DIS3L2: variants seen among roughly 807,000 people sequenced by gnomAD.
The protein encoded by DIS3L2 is DIS3-like exonuclease 2.
Under a neutral mutation model 97.5 loss-of-function variants are expected in DIS3L2, and 34 were observed. The ratio of observed to expected loss-of-function variants is 0.35; its 90% CI spans 0.27 to 0.46. The LOEUF is 0.46. Ranked by LOEUF, DIS3L2 falls within the 20% of genes least tolerant of loss-of-function variation. The probability of loss-of-function intolerance (pLI) is 1.00; values close to 1 mark genes in which losing one functional copy is unlikely to be tolerated. For synonymous variants in DIS3L2, 435 were observed against 445.2 expected, an observed-to-expected ratio of 0.98 and a Z score of 0.29; for missense variants, 1,038 against 1,146.0, an observed-to-expected ratio of 0.91 and a Z score of 1.36.
intron 9 of DIS3L2, among the ~76,000 whole-genome samples, chr2:232,180,407 G>C (rs1233129214): frequency 2.0e-5 from 1 of 50,610 alleles, no homozygotes; most frequent in African/African-American, 5.9e-5. Flanking sequence ...TGTTGACAAT[G>C]GGGTGTTAAA....
At chr2:232,201,808 A>G (rs1355721925) in intron 9 of DIS3L2, among the ~76,000 whole-genome samples, 1 of 152,208 alleles carries the variant, frequency 6.6e-6, no homozygotes, top group East Asian at 1.9e-4. Context: ...ATAAACACAC[A>G]AAACAACCAG....
intron 1 of DIS3L2, among the ~76,000 whole-genome samples, chr2:231,962,307 G>T (rs935486532): frequency 6.6e-6 from 1 of 151,904 alleles, no homozygotes; most frequent in African/African-American, 2.4e-5. Context: ...AGATATGGGG[G>T]ATACGCATGC....
At chr2:232,099,701 T>C (rs894853785) in intron 6 of DIS3L2, among the ~76,000 whole-genome samples, 3 of 152,196 alleles carry the variant, frequency 2.0e-5, no homozygotes. Flanking sequence ...CATTGTAAAA[T>C]TGTACCTGCT....
At chr2:232,014,049 C>T (rs1184680087) in intron 1 of DIS3L2, among the ~76,000 whole-genome samples, 6 of 152,202 alleles carry the variant, frequency 3.9e-5, no homozygotes, top group Non-Finnish European at 7.3e-5. Flanking sequence ...CAAATATAGA[C>T]TTGACTCCTG....
intron 7 of DIS3L2, among the ~76,000 whole-genome samples, chr2:232,135,824 C>T (rs1559665931): frequency 1.3e-5 from 2 of 152,028 alleles, no homozygotes; most frequent in South Asian, 4.1e-4. Flanking sequence ...AGCCTGCAGA[C>T]TGGCTACGGT....
At chr2:232,118,632 A>G (rs956592345) in intron 6 of DIS3L2, among the ~76,000 whole-genome samples, 2 of 152,244 alleles carry the variant, frequency 1.3e-5, no homozygotes, top group African/African-American at 4.8e-5. Flanking sequence ...GGACCAAGCC[A>G]GTTGCTCTCA....
intron 13 of DIS3L2, among the ~76,000 whole-genome samples, chr2:232,342,236 CATACACATAT>C (rs1559225097): frequency 6.5e-4 from 97 of 148,904 alleles, no homozygotes; most frequent in African/African-American, 2.2e-3. Context: ...CATATATACA[CATACACATAT>C]ATACACATAC....
chr2:232,050,662 A>G (rs957775131), intron 5 of DIS3L2, among the ~76,000 whole-genome samples: 4 of 152,144 alleles, frequency 2.6e-5, no homozygotes, highest in African/African-American at 7.2e-5. Flanking sequence ...GTAGTTTCCT[A>G]GTTTAAACTG....
At chr2:232,249,840 G>C (rs1163478569) in intron 12 of DIS3L2, among the ~76,000 whole-genome samples, 1 of 152,202 alleles carries the variant, frequency 6.6e-6, no homozygotes, top group African/African-American at 2.4e-5. Flanking sequence ...TTGTAGAAAG[G>C]TCAGTGGTGC....
intron 14 of DIS3L2, among the ~76,000 whole-genome samples, chr2:232,318,019 C>T (rs1481347988): frequency 1.3e-5 from 2 of 152,200 alleles, no homozygotes; most frequent in African/African-American, 4.8e-5. Context: ...TCCCCCCTGA[C>T]TTTAGCAATA....
intron 1 of DIS3L2, among the ~76,000 whole-genome samples, chr2:231,980,658 A>G (rs571799651): frequency 6.6e-6 from 1 of 152,196 alleles, no homozygotes; most frequent in South Asian, 2.1e-4. Flanking sequence ...AAATTGTGCC[A>G]TTGCACTCCA....
rs138679010 is a variant in DIS3L2 at position 232,200,424 on chromosome 2, C to T, written c.1125-9902C>T. 3.5e-3 allele frequency among the ~76,000 whole-genome samples: 534 copies of T among 152,164 alleles called. 3 individuals carry two copies. Among genetic ancestry groups the T allele is most frequent in the Non-Finnish European group, 5.3e-3 (362 of 68,004 alleles). On this transcript the variant is annotated intron_variant, in intron 9 of 20. Transcript: ENST00000325385. ...AGGAATTTGGGCTCCTTAGGGAAGTCGGTAATTATAAACCTGGGGCAGGGA... is the reference window on the plus strand; with the variant it reads ...AGGAATTTGGGCTCCTTAGGGAAGTTGGTAATTATAAACCTGGGGCAGGGA...
At chr2:232,035,660 A>G (rs1390826596) in intron 5 of DIS3L2, among the ~76,000 whole-genome samples, 2 of 152,102 alleles carry the variant, frequency 1.3e-5, no homozygotes, top group Non-Finnish European at 2.9e-5. Context: ...TTCCATATTT[A>G]GTGCTTCCTT....
At chr2:232,290,831 A>G (rs528659118) in intron 13 of DIS3L2, among the ~76,000 whole-genome samples, 1 of 152,240 alleles carries the variant, frequency 6.6e-6, no homozygotes, top group South Asian at 2.1e-4. Flanking sequence ...TTCCAACACT[A>G]ATGAATCGGG....
intron 5 of DIS3L2, among the ~76,000 whole-genome samples, chr2:232,052,810 G>C (rs1559577048): frequency 6.6e-6 from 1 of 152,002 alleles, no homozygotes; most frequent in Admixed American, 6.5e-5. Context: ...AAAATCTTTA[G>C]ATGTTTTTCA....
intron 6 of DIS3L2, among the ~76,000 whole-genome samples, chr2:232,098,585 C>T (rs775081318): frequency 6.6e-6 from 1 of 152,138 alleles, no homozygotes; most frequent in East Asian, 1.9e-4. Flanking sequence ...AACTCCTGTC[C>T]TCAGGTGATC....
chr2:232,136,511 A>G lies in DIS3L2; in HGVS notation c.742A>G (p.Thr248Ala), dbSNP rs766947723. ...GGAGAAAAAACATTCTCGAGCAGCA[A>G]CCGGCTTCCTCAAACTCTTGGCTGA... ...ILEKKHSRAA[T>A]GFLKLLADKN... is the part of the protein sequence containing the mutation. Residue 248 changes from threonine (T) to alanine (A), a missense_variant, in exon 8 of 21, where the codon ACC (threonine) becomes GCC (alanine). Physicochemically the swap from Thr to Ala is moderately conservative, Grantham distance 58. Around this residue, in one of 3 missense-constraint regions of DIS3L2, gnomAD observed 813 missense variants for 880.1 expected, o/e 0.92. Transcript: ENST00000325385. 1.8e-5 allele frequency: 29 copies of G among 1,613,970 alleles called. No homozygotes were observed. The highest frequency in any genetic ancestry group is 2.2e-5 in the South Asian group (2 of 91,076).
intron 10 of DIS3L2, among the ~76,000 whole-genome samples, chr2:232,228,330 C>T (rs1248557606): frequency 1.3e-5 from 2 of 152,126 alleles, no homozygotes; most frequent in African/African-American, 2.4e-5. Flanking sequence ...TGTTTTTAGA[C>T]CTAGACCTGG....
rs559847871 is a variant in DIS3L2, at chr2:232,088,952, A to G, written c.601+1231A>G. On this transcript the variant is annotated intron_variant, in intron 6 of 20. Coordinates refer to ENST00000325385, the MANE Select transcript of DIS3L2 (RefSeq NM_152383.5). Reference sequence around the variant, plus strand: ...GGCTGACTAGATAATGAGCTTTGTTATCAAGAAGAAGTTTCTGGCACAGTT... The same window carrying G: ...GGCTGACTAGATAATGAGCTTTGTTGTCAAGAAGAAGTTTCTGGCACAGTT... Among the ~76,000 whole-genome samples the G allele has an allele frequency of 2.6e-5, 4 of 152,336 alleles. No individual in the cohort carries two copies. In the East Asian group the frequency reaches 7.7e-4, roughly 29 times the overall value.
Sources: gnomAD v4.1 joint callset for allele counts (sites outside exome capture counted in the v4.1 genomes callset) on GRCh38, gnomAD v4.1.1 for gene constraint, gnomAD v4.1.1 regional missense constraint, MANE v1.5 for transcripts, NCBI Gene and HGNC (gene_info 2026-07-23, HGNC 2026-07-21) for gene names.